The following LMOD3 variants were observed in gnomAD, a reference collection of about 807,000 sequenced individuals.
The protein encoded by LMOD3 is leiomodin-3.
Under a neutral mutation model 41.8 loss-of-function variants are expected in LMOD3, and 31 were observed. The observed-to-expected ratio is 0.74, with a 90% CI of 0.56 to 1.00. The LOEUF is 1.00. Ranked by LOEUF, LMOD3 falls within the 50% of genes least tolerant of loss-of-function variation. LMOD3 has a pLI of 0.00. For synonymous variants in LMOD3, 292 were observed against 241.9 expected (o/e 1.21, Z -1.92); for missense variants, 755 against 679.5 (o/e 1.11, Z -1.23).
Position 69,118,809 on chromosome 3 carries a change from T to C in LMOD3, c.1546A>G (p.Lys516Glu). 4.3e-6 allele frequency: 7 copies of C among 1,611,364 alleles called. No individual in the cohort carries two copies. Among genetic ancestry groups the C allele is most frequent in the Non-Finnish European group, 5.9e-6 (7 of 1,179,310 alleles). Residue 516 changes from lysine (K) to glutamate (E), a missense_variant, in exon 2 of 3, where the codon AAA (lysine) becomes GAA (glutamate). Physicochemically the swap from Lys to Glu is moderately conservative, Grantham distance 56. Transcript: ENST00000420581. ...PEKTNLKDVI[K>E]TLKPVPRNRP... Reference sequence around the variant, plus strand: ...TTTCTCGGCACTGGCTTGAGCGTTTTGATGACATCTTTGAGGTTGGTTTTC... The same window carrying C: ...TTTCTCGGCACTGGCTTGAGCGTTTCGATGACATCTTTGAGGTTGGTTTTC...
chr3:69,114,507 G>A (rs949873880), intron 2 of LMOD3, among the ~76,000 whole-genome samples: 1 of 152,170 alleles, frequency 6.6e-6, no homozygotes, highest in Admixed American at 6.5e-5. Flanking sequence ...GAGAGAATAA[G>A]CATTAATTTA....
rs2092413777 is a variant in LMOD3 at position 69,122,512 on chromosome 3, T to A, written c.-126A>T. ...GTCCCAAGTTAACACACCCTTGAGA[T>A]ATTTTTTTTTTTTTCCCAGGAACCT... On this transcript the variant is annotated 5_prime_UTR_variant, in exon 1 of 3. Coordinates refer to ENST00000420581, the MANE Select transcript of LMOD3 (RefSeq NM_198271.5). 9.5e-6 allele frequency: 7 copies of A among 733,542 alleles called. No homozygotes were observed. In the South Asian group the frequency reaches 1.4e-4, roughly 15 times the overall value. The allele number at this position is 733,542 out of a possible 1,614,324, so 45.4% of individuals were successfully genotyped here.
intron 2 of LMOD3, among the ~76,000 whole-genome samples, chr3:69,111,786 T>A (rs1393475526): frequency 6.6e-6 from 1 of 152,138 alleles, no homozygotes; most frequent in Non-Finnish European, 1.5e-5. Context: ...CCCAGAATAG[T>A]AAACCCAGAC....
rs77192792 is a variant in LMOD3 at position 69,109,014 on chromosome 3, T to C, written c.*81A>G. 171 of 1,230,478 alleles carry C rather than the reference T, an allele frequency of 1.4e-4. No individual in the cohort carries two copies. In the African/African-American group the frequency reaches 1.7e-3, roughly 12 times the overall value. 76.2% of individuals were successfully genotyped at this position (1,230,478 alleles called of 1,614,324 possible). ...GTTCTGCCACGTGGATCCTAAAGTA[T>C]TGCTGCTGACATAGTCTCCATGCTG... On this transcript the variant is annotated 3_prime_UTR_variant, in exon 3 of 3. Coordinates refer to ENST00000420581, the MANE Select transcript of LMOD3 (RefSeq NM_198271.5).
rs541421744 is a variant in LMOD3 at position 69,122,311 on chromosome 3, T to C, written c.76A>G (p.Asn26Asp). The C allele has an allele frequency of 9.3e-6, 15 of 1,613,392 alleles. No individual in the cohort carries two copies. Among genetic ancestry groups the C allele is most frequent in the African/African-American group, 1.3e-5 (1 of 75,034 alleles). The stretch of plus-strand genomic sequence containing the variant: ...TCTTTCAGTTCTTCAGCAGACAAGT[T>C]GGCCAAGATTTCATCTTCATTAATC... ...EEINEDEILA[N>D]LSAEELKELQ... Residue 26 changes from asparagine (N) to aspartate (D), a missense_variant, in exon 1 of 3, where the codon AAC becomes GAC. Asn to Asp is a conservative substitution (Grantham distance 23). Coordinates refer to ENST00000420581, the MANE Select transcript of LMOD3 (RefSeq NM_198271.5).
chr3:69,114,018 A>G (rs1443119332), intron 2 of LMOD3, among the ~76,000 whole-genome samples: 1 of 152,234 alleles, frequency 6.6e-6, no homozygotes, highest in African/African-American at 2.4e-5. Context: ...GCTAAAAACA[A>G]CAAGAGCATA....
rs60474520 is a variant in LMOD3 at position 69,109,080 on chromosome 3, T to C, written c.*15A>G. On this transcript the variant is annotated 3_prime_UTR_variant, in exon 3 of 3. Coordinates refer to ENST00000420581, the MANE Select transcript of LMOD3 (RefSeq NM_198271.5). Reference sequence around the variant, plus strand: ...TATTTCCATTTCTTGTTCTTCTAGATGGCTCTGTTGCCTCTTACGCCAGTT... The same window carrying C: ...TATTTCCATTTCTTGTTCTTCTAGACGGCTCTGTTGCCTCTTACGCCAGTT... 43,593 of 1,593,222 alleles carry C rather than the reference T, an allele frequency of 0.027. 2,886 individuals carry two copies. The East Asian group carries it at 0.28, about 10-fold the overall frequency.
At chr3:69,121,628 G>C (rs1322626515) in intron 1 of LMOD3, among the ~76,000 whole-genome samples, 1 of 152,174 alleles carries the variant, frequency 6.6e-6, no homozygotes, top group East Asian at 1.9e-4. Flanking sequence ...TTAATTGCAG[G>C]TTGTGTGGCC....
rs569156128 is a variant in LMOD3 at position 69,108,269 on chromosome 3, C to A, written c.*826G>T. ...TGTGTGTGTGTGTATTTAGCCAAAA[C>A]CAAAAGCTTGTCAATAACTATATTA... is the stretch of plus-strand genomic sequence containing the variant. On this transcript the variant is annotated 3_prime_UTR_variant, in exon 3 of 3. Coordinates refer to ENST00000420581, the MANE Select transcript of LMOD3 (RefSeq NM_198271.5). 6 of 151,948 alleles carry A rather than the reference C, an allele frequency of 3.9e-5. No homozygotes were observed. In the South Asian group the frequency reaches 1.0e-3, roughly 26 times the overall value. 9.4% of individuals were successfully genotyped at this position (151,948 alleles called of 1,614,324 possible). A position where few individuals can be genotyped will look rare whatever the true frequency, so the allele number is the denominator to read the frequency against.
rs945534479 is a variant in LMOD3 at position 69,122,513 on chromosome 3, A to T, written c.-127T>A. The stretch of plus-strand genomic sequence containing the variant: ...TCCCAAGTTAACACACCCTTGAGAT[A>T]TTTTTTTTTTTTTCCCAGGAACCTC... On this transcript the variant is annotated 5_prime_UTR_variant, in exon 1 of 3. Transcript: ENST00000420581. 20 of 609,878 alleles carry T rather than the reference A, an allele frequency of 3.3e-5. No homozygotes were observed. Among genetic ancestry groups the T allele is most frequent in the African/African-American group, 7.7e-5 (4 of 52,270 alleles). 37.8% of individuals were successfully genotyped at this position (609,878 alleles called of 1,614,324 possible). A position where few individuals can be genotyped will look rare whatever the true frequency, so the allele number is the denominator to read the frequency against.
chr3:69,106,500 G>A lies in LMOD3; in HGVS notation c.*2595C>T, dbSNP rs1192516080. 6.6e-6 allele frequency among the ~76,000 whole-genome samples: 1 copy of A among 152,156 alleles called. No individual in the cohort carries two copies. The highest frequency in any genetic ancestry group is 2.4e-5 in the African/African-American group (1 of 41,444). Reference sequence around the variant, plus strand: ...CTGCAACTAAGATCTTTAGGGTTGGGTGGTAGAAAAAGCATAATGTGAACT... The same window carrying A: ...CTGCAACTAAGATCTTTAGGGTTGGATGGTAGAAAAAGCATAATGTGAACT... On this transcript the variant is annotated 3_prime_UTR_variant, in exon 3 of 3. Coordinates refer to ENST00000420581, the MANE Select transcript of LMOD3 (RefSeq NM_198271.5).
intron 2 of LMOD3, among the ~76,000 whole-genome samples, chr3:69,115,842 C>G (rs12054346): frequency 0.076 from 11,612 of 152,170 alleles, 1,076 homozygotes; most frequent in East Asian, 0.32. Flanking sequence ...AAATCAGAAT[C>G]CATCTTAAAA....
chr3:69,111,501 C>A (rs943126233), intron 2 of LMOD3, among the ~76,000 whole-genome samples: 1 of 152,152 alleles, frequency 6.6e-6, no homozygotes, highest in Non-Finnish European at 1.5e-5. Context: ...GAAAAAGAAG[C>A]ATTTTATATA....
At position 69,118,703 on chromosome 3, in the gene LMOD3, T is replaced by C; in HGVS notation, c.1652A>G (p.Lys551Arg). 1.2e-6 allele frequency: 2 copies of C among 1,611,518 alleles called. No individual in the cohort carries two copies. Among genetic ancestry groups the C allele is most frequent in the South Asian group, 1.1e-5 (1 of 90,844 alleles). The change falls in exon 2 of 3, where the codon AAA (lysine) becomes AGA (arginine). Residue 551 changes from lysine to arginine, a missense_variant. Coordinates refer to ENST00000420581, the MANE Select transcript of LMOD3 (RefSeq NM_198271.5). ...DIRHSSVAYL[K>R]PVQLPKELA ...TTTCTCCCTCCTTCTACTTACAGGT[T>C]TAAGATAGGCGACACTGCTGTGACG...
In LMOD3 at chr3:69,107,452, GGTTTTTTTTT is replaced by G. The variant is rs2092327706; in HGVS notation, c.*1633_*1642del. 1 of 53,004 alleles carries G rather than the reference GGTTTTTTTTT, an allele frequency of 1.9e-5. No homozygotes were observed. Among genetic ancestry groups the G allele is most frequent in the Non-Finnish European group, 4.0e-5 (1 of 24,740 alleles). The allele number at this position is 53,004 out of a possible 1,614,324, so 3.3% of individuals were successfully genotyped here. A position where few individuals can be genotyped will look rare whatever the true frequency, so the allele number is the denominator to read the frequency against. On this transcript the variant is annotated 3_prime_UTR_variant, in exon 3 of 3. Coordinates refer to ENST00000420581, the MANE Select transcript of LMOD3 (RefSeq NM_198271.5). ...TAAAGAAGAGAGAAAAGGCACCAAAGGTTTTTTTTTTTTTTTTTTTTTTTTTTTTTTTTTT... is the reference window on the plus strand; with the variant it reads ...TAAAGAAGAGAGAAAAGGCACCAAAGTTTTTTTTTTTTTTTTTTTTTTTTT...
intron 2 of LMOD3, among the ~76,000 whole-genome samples, chr3:69,118,451 T>C (rs2092387485): frequency 6.6e-6 from 1 of 152,136 alleles, no homozygotes; most frequent in South Asian, 2.1e-4. Flanking sequence ...CTATAGTAAA[T>C]GCTCCCTAAA....
intron 2 of LMOD3, among the ~76,000 whole-genome samples, chr3:69,112,203 TTGTG>T (rs145026767): frequency 2.0e-5 from 3 of 151,678 alleles, no homozygotes; most frequent in African/African-American, 4.8e-5. Flanking sequence ...TCTAGTGTGC[TTGTG>T]TGTGTGTGTG....
chr3:69,113,338 G>A (rs967535880), intron 2 of LMOD3, among the ~76,000 whole-genome samples: 1 of 152,198 alleles, frequency 6.6e-6, no homozygotes, highest in Non-Finnish European at 1.5e-5. Flanking sequence ...TCTAGATTAT[G>A]TGACAAGAGA....
chr3:69,118,666 G>A (rs1364048051), intron 2 of LMOD3, 33 bp downstream of exon 2: 1 of 1,587,102 alleles, frequency 6.3e-7, no homozygotes, highest in South Asian at 1.1e-5. Context: ...TATGGAGGGT[G>A]CTCAGTCACC....
Sources: allele counts gnomAD v4.1 joint callset (sites outside exome capture counted in the v4.1 genomes callset), GRCh38; gene constraint gnomAD v4.1.1; transcripts MANE v1.5; gene names NCBI Gene and HGNC (gene_info 2026-07-23, HGNC 2026-07-21).